The following TFEC variants were observed in gnomAD, a reference collection of about 807,000 sequenced individuals.
The protein encoded by TFEC is class E basic helix-loop-helix protein 34.
A neutral mutation model predicts 41.6 loss-of-function variants in TFEC; 31 were observed. The observed-to-expected ratio is 0.74, with a 90% CI of 0.56 to 1.01. The LOEUF (loss-of-function observed/expected upper bound fraction) is 1.01. Among genes scored for constraint, TFEC ranks in the 50% least tolerant of loss-of-function variants. The probability of loss-of-function intolerance (pLI) is 0.00; values close to 1 mark genes in which losing one functional copy is unlikely to be tolerated. For synonymous variants in TFEC, 143 were observed against 140.6 expected, an observed-to-expected ratio of 1.02 and a Z score of -0.12; for missense variants, 402 against 404.1, an observed-to-expected ratio of 0.99 and a Z score of 0.04.
intron 2 of TFEC, among the ~76,000 whole-genome samples, chr7:115,982,925 A>AAT (rs1793690667): frequency 6.6e-6 from 1 of 152,124 alleles, no homozygotes; most frequent in Admixed American, 6.6e-5. Context: ...TATTTTATAA[A>AAT]ATATATAATA....
chr7:115,990,604 G>T (rs1298147741), intron 1 of TFEC, among the ~76,000 whole-genome samples: 1 of 152,150 alleles, frequency 6.6e-6, no homozygotes, highest in Non-Finnish European at 1.5e-5. Flanking sequence ...TTCAGTAGCT[G>T]ATTTGATCAA....
At chr7:115,973,734 A>AT (rs1223221691) in intron 3 of TFEC, among the ~76,000 whole-genome samples, 2 of 151,896 alleles carry the variant, frequency 1.3e-5, no homozygotes, top group Admixed American at 6.6e-5. Context: ...GTAAATTTAT[A>AT]TTTTTCATTG....
intron 1 of TFEC, among the ~76,000 whole-genome samples, chr7:116,112,603 G>A (rs1797880489): frequency 6.6e-6 from 1 of 151,938 alleles, no homozygotes; most frequent in Non-Finnish European, 1.5e-5. Flanking sequence ...AGAGGAACTG[G>A]AAAGGGAAGA....
chr7:115,957,126 A>G (rs964120577), intron 3 of TFEC, among the ~76,000 whole-genome samples: 1 of 151,978 alleles, frequency 6.6e-6, no homozygotes, highest in Non-Finnish European at 1.5e-5. Context: ...GGATGTAATT[A>G]AAAATATTAT....
In TFEC at chr7:115,971,561, C is replaced by G. The variant is rs1793136056; in HGVS notation, c.267+2609G>C. Among the ~76,000 whole-genome samples the G allele has an allele frequency of 2.0e-5, 3 of 152,076 alleles. No individual in the cohort carries two copies. In the South Asian group the frequency reaches 6.2e-4, roughly 32 times the overall value. ...ATCATGGAGAAGCAAAAAGCCTTCT[C>G]TTTCTTGAAATTACAGACTGAAGAA... On this transcript the variant is annotated intron_variant, in intron 3 of 7. Transcript: ENST00000265440.
intron 3 of TFEC, among the ~76,000 whole-genome samples, chr7:115,970,630 G>C (rs565713361): frequency 1.3e-5 from 2 of 151,950 alleles, no homozygotes; most frequent in Admixed American, 6.6e-5. Flanking sequence ...AGAAGGAGGA[G>C]CTATTTAGAG....
intron 3 of TFEC, among the ~76,000 whole-genome samples, chr7:116,081,923 T>G (rs1797099756): frequency 6.6e-6 from 1 of 152,058 alleles, no homozygotes; most frequent in Admixed American, 6.6e-5. Flanking sequence ...CACTTTTAAA[T>G]GCTACCTCTT....
At chr7:116,096,607 T>C (rs950294141) in intron 3 of TFEC, among the ~76,000 whole-genome samples, 2 of 152,074 alleles carry the variant, frequency 1.3e-5, no homozygotes, top group Non-Finnish European at 2.9e-5. Flanking sequence ...TTTCCACTTG[T>C]ATATCTTCTT....
At chr7:115,995,904 G>C (rs1296009827) in intron 1 of TFEC, among the ~76,000 whole-genome samples, 1 of 152,152 alleles carries the variant, frequency 6.6e-6, no homozygotes, top group East Asian at 1.9e-4. Context: ...CTACCCGGAG[G>C]GGAATTGTCC....
At chr7:116,087,472 T>C (rs1017552653) in intron 3 of TFEC, among the ~76,000 whole-genome samples, 2 of 152,068 alleles carry the variant, frequency 1.3e-5, no homozygotes, top group African/African-American at 2.4e-5. Context: ...ATGTGTGTAA[T>C]AGACAACCAC....
At chr7:116,007,508 C>A (rs1794844087) in intron 1 of TFEC, among the ~76,000 whole-genome samples, 1 of 152,112 alleles carries the variant, frequency 6.6e-6, no homozygotes, top group Non-Finnish European at 1.5e-5. Context: ...TCTTCATGCC[C>A]CCACACGGAG....
chr7:116,127,685 C>T (rs1798243316), intron 1 of TFEC, among the ~76,000 whole-genome samples: 1 of 108,306 alleles, frequency 9.2e-6, no homozygotes, highest in South Asian at 3.1e-4. Flanking sequence ...GAGTGAGAGT[C>T]AGTGTCAAAA....
intron 3 of TFEC, among the ~76,000 whole-genome samples, chr7:115,957,142 A>G (rs940760273): frequency 6.6e-6 from 1 of 151,922 alleles, no homozygotes; most frequent in African/African-American, 2.4e-5. Flanking sequence ...ATTATTTTGG[A>G]CAAAAATCAA....
chr7:115,986,340 A>T (rs1793855415), intron 1 of TFEC, among the ~76,000 whole-genome samples: 1 of 152,168 alleles, frequency 6.6e-6, no homozygotes, highest in South Asian at 2.1e-4. Context: ...CACTATATAG[A>T]TGAAGCCACT....
chr7:116,059,889 C>T (rs1429892915), intron 3 of TFEC, among the ~76,000 whole-genome samples: 2 of 152,004 alleles, frequency 1.3e-5, no homozygotes, highest in African/African-American at 2.4e-5. Flanking sequence ...AGACTAAATG[C>T]TTTTCCACTA....
upstream of TFEC, among the ~76,000 whole-genome samples, chr7:116,032,696 G>A (rs1795815751): frequency 6.6e-6 from 1 of 152,120 alleles, no homozygotes; most frequent in Non-Finnish European, 1.5e-5. Flanking sequence ...TGGAAGGCTG[G>A]AGGAGTGAGA....
chr7:115,974,093 T>C, intron 3 of TFEC, 77 bp downstream of exon 3: 4 of 1,194,364 alleles, frequency 3.3e-6, no homozygotes, highest in South Asian at 3.0e-5. Context: ...AAAGCACCAG[T>C]TGCTAATCAA....
At chr7:115,949,706 G>A (rs527454073) in intron 6 of TFEC, among the ~76,000 whole-genome samples, 17 of 151,810 alleles carry the variant, frequency 1.1e-4, no homozygotes, top group Non-Finnish European at 2.1e-4. Context: ...AATTCAAGAT[G>A]GATTAAAGAC....
At chr7:115,981,408 C>T (rs7811686) in intron 2 of TFEC, among the ~76,000 whole-genome samples, 129,447 of 152,068 alleles carry the variant, frequency 0.85, 55,234 homozygotes, top group Non-Finnish European at 0.89. Flanking sequence ...AATTATACCA[C>T]ATTACTTAAA....
Sources: allele counts gnomAD v4.1 joint callset (sites outside exome capture counted in the v4.1 genomes callset), GRCh38; gene constraint gnomAD v4.1.1; transcripts MANE v1.5; gene names NCBI Gene and HGNC (gene_info 2026-07-23, HGNC 2026-07-21).